Variants in GALNT13 observed in about 807,000 individuals in gnomAD.
GALNT13 encodes the protein UDP-GalNAc:polypeptide N-acetylgalactosaminyltransferase 13.
Under a neutral mutation model 64.2 loss-of-function variants are expected in GALNT13, and 28 were observed. The ratio of observed to expected loss-of-function variants is 0.44; its 90% CI spans 0.32 to 0.60. GALNT13 has a LOEUF of 0.60. Among genes scored for constraint, GALNT13 ranks in the 20% least tolerant of loss-of-function variants. GALNT13 has a pLI of 0.05. For synonymous variants in GALNT13, 214 were observed against 224.6 expected (o/e 0.95, Z 0.42); for missense variants, 577 against 669.8 (o/e 0.86, Z 1.53).
chr2:153,522,888 T>C, the GALNT13 span, among the ~76,000 whole-genome samples: 1 of 152,138 alleles, frequency 6.6e-6, no homozygotes, highest in South Asian at 2.1e-4. Context: ...CCTTCTTTCA[T>C]GGATTGTGCT....
At chr2:153,361,391 T>C in the GALNT13 span, among the ~76,000 whole-genome samples, 1 of 151,948 alleles carries the variant, frequency 6.6e-6, no homozygotes, top group Non-Finnish European at 1.5e-5. Context: ...AGAAGTACGC[T>C]TCAGAAGGTG....
chr2:153,677,000 C>A, the GALNT13 span, among the ~76,000 whole-genome samples: 1 of 151,942 alleles, frequency 6.6e-6, no homozygotes, highest in South Asian at 2.1e-4. Context: ...CAGTCTTATT[C>A]AACATAGCAC....
chr2:153,830,379 G>A, the GALNT13 span, among the ~76,000 whole-genome samples: 1 of 151,966 alleles, frequency 6.6e-6, no homozygotes, highest in Non-Finnish European at 1.5e-5. Flanking sequence ...CTAGAAATGG[G>A]GAAATTCTTT....
the GALNT13 span, among the ~76,000 whole-genome samples, chr2:153,677,416 C>T: frequency 6.6e-6 from 1 of 151,386 alleles, no homozygotes; most frequent in Non-Finnish European, 1.5e-5. Context: ...ATGACCCAAA[C>T]AAATGGAAAA....
chr2:153,827,642 A>C, the GALNT13 span, among the ~76,000 whole-genome samples: 1 of 151,160 alleles, frequency 6.6e-6, no homozygotes, highest in Non-Finnish European at 1.5e-5. Flanking sequence ...AAAAAAAAAA[A>C]ACGATTTGGG....
At position 154,054,937 on chromosome 2, in the gene GALNT13, G is replaced by T. The variant is rs181239433; in HGVS notation, c.143-85400G>T. ...CAGTGGGCCACACAACTTGTTCAGT[G>T]TCTAATTATGTTGATAAAATAAGAT... On this transcript the variant is annotated intron_variant, in intron 3 of 12. Coordinates refer to ENST00000392825, the MANE Select transcript of GALNT13 (RefSeq NM_052917.4). 1.6e-4 allele frequency among the ~76,000 whole-genome samples: 24 copies of T among 152,030 alleles called. No homozygotes were observed. The East Asian group carries it at 2.1e-3, about 13-fold the overall frequency.
chr2:154,245,854 T>C lies in GALNT13; in HGVS notation c.729T>C (p.Asp243=). 1 of 1,612,876 alleles carries C rather than the reference T, an allele frequency of 6.2e-7. No homozygotes were observed. The highest frequency in any genetic ancestry group is 8.5e-7 in the Non-Finnish European group (1 of 1,179,126). Residue 243 remains aspartate (D), a synonymous_variant, in exon 7 of 13, where the codon GAT becomes GAC. Transcript: ENST00000392825. ...VCPIIDVISD[D]TFEYMAGSDM... ...CTATCATTGATGTGATTAGTGATGA[T>C]ACTTTTGAATATATGGCTGGGTCAG... is the stretch of plus-strand genomic sequence containing the variant.
At chr2:153,575,928 G>T in the GALNT13 span, among the ~76,000 whole-genome samples, 53 of 152,110 alleles carry the variant, frequency 3.5e-4, no homozygotes, top group Non-Finnish European at 6.9e-4. Context: ...ATTACTTCTG[G>T]TTATTCAGGG....
chr2:153,293,761 TTGTGTG>T, the GALNT13 span, among the ~76,000 whole-genome samples: 51 of 104,804 alleles, frequency 4.9e-4, no homozygotes, highest in Non-Finnish European at 8.5e-4. Context: ...TTTTTTCTGT[TTGTGTG>T]TGTGTGTGTG....
the GALNT13 span, among the ~76,000 whole-genome samples, chr2:153,831,179 A>C: frequency 6.6e-6 from 1 of 152,116 alleles, no homozygotes; most frequent in Admixed American, 6.5e-5. Flanking sequence ...CTTGTTGACA[A>C]ACTTTGCCTC....
chr2:153,256,430 G>T, the GALNT13 span, among the ~76,000 whole-genome samples: 1 of 152,144 alleles, frequency 6.6e-6, no homozygotes, highest in African/African-American at 2.4e-5. Flanking sequence ...CCGTAGCTCG[G>T]AGTAATTTGA....
chr2:153,684,588 G>A, the GALNT13 span, among the ~76,000 whole-genome samples: 91 of 151,668 alleles, frequency 6.0e-4, no homozygotes, highest in Non-Finnish European at 5.9e-5. Context: ...CAAATTATGT[G>A]TTTATTCCTG....
intron 1 of GALNT13, among the ~76,000 whole-genome samples, chr2:153,884,866 C>T (rs1368858395): frequency 4.2e-5 from 6 of 143,404 alleles, no homozygotes; most frequent in Non-Finnish European, 6.0e-5. Flanking sequence ...TACACACACA[C>T]ACACACACAC....
intron 9 of GALNT13, among the ~76,000 whole-genome samples, chr2:154,363,656 C>T (rs1373083896): frequency 6.6e-6 from 1 of 152,110 alleles, no homozygotes. Context: ...AATTCTTTTT[C>T]TGTAGGGAGT....
chr2:153,626,191 T>G, the GALNT13 span, among the ~76,000 whole-genome samples: 1 of 151,970 alleles, frequency 6.6e-6, no homozygotes, highest in Non-Finnish European at 1.5e-5. Flanking sequence ...ACTCACTCAA[T>G]GAAGAAATAT....
At chr2:154,112,577 A>G (rs1365723721) in intron 3 of GALNT13, among the ~76,000 whole-genome samples, 1 of 152,188 alleles carries the variant, frequency 6.6e-6, no homozygotes, top group African/African-American at 2.4e-5. Flanking sequence ...CATCCAGCCA[A>G]ATCATTAATG....
rs57283496 is a variant in GALNT13 at position 154,151,447 on chromosome 2, C to T, written c.311+10942C>T. On this transcript the variant is annotated intron_variant, in intron 4 of 12. Transcript: ENST00000392825. ...GAGTTCTGTAGATGTCTATTAGGTC[C>T]GCTTGGTGCAGAGCTGAGTTCAATT... Among the ~76,000 whole-genome samples the T allele has an allele frequency of 0.057, 8,643 of 152,054 alleles. 1,150 individuals are homozygous for T. The East Asian group carries it at 0.61, about 11-fold the overall frequency.
chr2:153,570,100 A>T, the GALNT13 span, among the ~76,000 whole-genome samples: 1 of 152,132 alleles, frequency 6.6e-6, no homozygotes, highest in East Asian at 1.9e-4. Context: ...CATCCTCATC[A>T]GTATTAGTTA....
the GALNT13 span, among the ~76,000 whole-genome samples, chr2:153,696,886 C>T: frequency 1.3e-5 from 2 of 152,170 alleles, no homozygotes; most frequent in Non-Finnish European, 2.9e-5. Context: ...GTGAGATCTA[C>T]ATTTCTCAGA....
Sources: gnomAD v4.1 joint callset for allele counts (sites outside exome capture counted in the v4.1 genomes callset) on GRCh38, gnomAD v4.1.1 for gene constraint, MANE v1.5 for transcripts, NCBI Gene and HGNC (gene_info 2026-07-23, HGNC 2026-07-21) for gene names.